FAM167A: variants seen among roughly 807,000 people sequenced by gnomAD.
FAM167A encodes the protein family with sequence similarity 167 member A.
Under a neutral mutation model 14.9 loss-of-function variants are expected in FAM167A, and 23 were observed. The observed-to-expected ratio is 1.55, with a 90% confidence interval of 1.11 to 2.19. FAM167A has a LOEUF of 2.19. Ranked by LOEUF, FAM167A falls within the 30% of genes most tolerant of loss-of-function variation. The probability of loss-of-function intolerance (pLI) is 0.00; values close to 1 mark genes in which losing one functional copy is unlikely to be tolerated. For synonymous variants in FAM167A, 174 were observed against 117.7 expected (o/e 1.48, Z -3.10); for missense variants, 401 against 281.5 (o/e 1.42, Z -3.04).
chr8:11,438,364 G>A, intron 2 of FAM167A: 1 of 446,648 alleles, frequency 2.2e-6, no homozygotes, highest in Middle Eastern at 3.5e-4. Context: ...AAACAGGAAT[G>A]TTGGGAGATT....
chr8:11,466,248 G>A (rs756539603), intron 1 of FAM167A, among the ~76,000 whole-genome samples: 12 of 152,260 alleles, frequency 7.9e-5, no homozygotes, highest in Non-Finnish European at 1.6e-4. Context: ...ACAGGAGCCA[G>A]GCTGGGCTTG....
chr8:11,472,497 T>C (rs1403603107), upstream of FAM167A, among the ~76,000 whole-genome samples: 1 of 144,608 alleles, frequency 6.9e-6, no homozygotes, highest in African/African-American at 2.6e-5. Flanking sequence ...TGGAGTGCAG[T>C]GGCGTGATCT....
intron 2 of FAM167A, chr8:11,434,965 C>T (rs1805902595): frequency 2.2e-6 from 1 of 450,836 alleles, no homozygotes; most frequent in Admixed American, 2.4e-5. Flanking sequence ...CACTGGCACC[C>T]ACCCCTGCAT....
chr8:11,450,062 C>T (rs906990043), intron 1 of FAM167A, among the ~76,000 whole-genome samples: 2 of 152,206 alleles, frequency 1.3e-5, no homozygotes, highest in Non-Finnish European at 2.9e-5. Context: ...GTTTCTTCTC[C>T]ATAAGACACA....
chr8:11,432,593 T>G (rs1204840403), intron 2 of FAM167A, among the ~76,000 whole-genome samples: 2 of 152,162 alleles, frequency 1.3e-5, no homozygotes, highest in African/African-American at 4.8e-5. Context: ...TGTGCAGAAA[T>G]AGGAATGCTT....
At chr8:11,456,306 G>C (rs1218983667) in intron 1 of FAM167A, among the ~76,000 whole-genome samples, 1 of 152,094 alleles carries the variant, frequency 6.6e-6, no homozygotes, top group Non-Finnish European at 1.5e-5. Flanking sequence ...GTGTGAGGTG[G>C]TTGCCCTGCT....
chr8:11,461,291 A>G (rs1243309248), intron 1 of FAM167A, among the ~76,000 whole-genome samples: 1 of 152,170 alleles, frequency 6.6e-6, no homozygotes, highest in Non-Finnish European at 1.5e-5. Flanking sequence ...GGAGATGGGG[A>G]GGGGGAAAGT....
chr8:11,422,916 GGGTGGGGGCTGA>G lies in FAM167A; in HGVS notation c.*1445_*1456del, dbSNP rs1563351268. On this transcript the variant is annotated 3_prime_UTR_variant, in exon 3 of 3. Transcript: ENST00000284486. ...TGAATTGCAATACTCTGGGAGATGT[GGGTGGGGGCTGA>G]GGTGGAGAGTAGAGGGGTTGGCAGT... is the stretch of plus-strand genomic sequence containing the variant. 6.5e-6 allele frequency: 1 copy of G among 152,676 alleles called. No individual in the cohort carries two copies. Among genetic ancestry groups the G allele is most frequent in the African/African-American group, 2.4e-5 (1 of 41,458 alleles). The allele number at this position is 152,676 out of a possible 1,614,324, so 9.5% of individuals were successfully genotyped here. A position where few individuals can be genotyped will look rare whatever the true frequency, so the allele number is the denominator to read the frequency against.
chr8:11,455,973 G>C (rs1260674352), intron 1 of FAM167A, among the ~76,000 whole-genome samples: 6 of 147,248 alleles, frequency 4.1e-5, no homozygotes, highest in Non-Finnish European at 7.5e-5. Flanking sequence ...GTGAGTGAGT[G>C]TGGGGGGTGG....
chr8:11,437,229 G>C lies in FAM167A; in HGVS notation c.381+6802C>G, dbSNP rs145874591. 2.0e-3 allele frequency among the ~76,000 whole-genome samples: 305 copies of C among 152,252 alleles called. 2 individuals carry two copies. Among genetic ancestry groups the C allele is most frequent in the African/African-American group, 7.2e-3 (299 of 41,548 alleles). ...AATTCCTGCTCTGCTGATTGATCTTGGGCAAGTTTTTTAACCTCAGTTTTC... is the reference window on the plus strand; with the variant it reads ...AATTCCTGCTCTGCTGATTGATCTTCGGCAAGTTTTTTAACCTCAGTTTTC... On this transcript the variant is annotated intron_variant, in intron 2 of 2. Transcript: ENST00000284486.
chr8:11,446,037 A>C (rs910161435), intron 1 of FAM167A, among the ~76,000 whole-genome samples: 5 of 146,778 alleles, frequency 3.4e-5, no homozygotes, highest in Middle Eastern at 3.2e-3. Flanking sequence ...AAAAAAAAAA[A>C]GGAAGGGAAT....
At chr8:11,464,102 T>C (rs1585282995) in intron 1 of FAM167A, among the ~76,000 whole-genome samples, 1 of 152,144 alleles carries the variant, frequency 6.6e-6, no homozygotes, top group Non-Finnish European at 1.5e-5. Context: ...GATTTGATGC[T>C]GCCTGGCAGA....
At chr8:11,460,596 C>T (rs995731223) in intron 1 of FAM167A, among the ~76,000 whole-genome samples, 5 of 152,268 alleles carry the variant, frequency 3.3e-5, no homozygotes, top group Non-Finnish European at 5.9e-5. Context: ...CTTCCGTTTC[C>T]ACACCTGGTG....
chr8:11,443,986 G>T, intron 2 of FAM167A, 45 bp downstream of exon 2: 1 of 1,570,074 alleles, frequency 6.4e-7, no homozygotes, highest in South Asian at 1.2e-5. Flanking sequence ...CAGAGAGACG[G>T]TGGCATCTCC....
In FAM167A at chr8:11,427,912, G is replaced by A. The variant is rs1163977831; in HGVS notation, c.382-3276C>T. Among the ~76,000 whole-genome samples the A allele has an allele frequency of 6.6e-5, 10 of 152,268 alleles. No homozygotes were observed. In the East Asian group the frequency reaches 1.9e-3, roughly 29 times the overall value. The stretch of plus-strand genomic sequence containing the variant: ...CCAAATTAATGATGATAGGGTGGCT[G>A]GTCATTTGTTTTGTAATGGTGTCCC... On this transcript the variant is annotated intron_variant, in intron 2 of 2. Transcript: ENST00000284486.
At chr8:11,446,463 G>C (rs970542246) in intron 1 of FAM167A, 1 of 151,840 alleles carries the variant, frequency 6.6e-6, no homozygotes, top group African/African-American at 2.4e-5. Flanking sequence ...GATTCAATTG[G>C]TCGAGAGATG....
At chr8:11,471,061 G>A (rs1459882346), upstream of FAM167A, among the ~76,000 whole-genome samples, 2 of 152,190 alleles carry the variant, frequency 1.3e-5, no homozygotes, top group Admixed American at 6.5e-5. Context: ...CTTTTTGGTA[G>A]GAAGATAATT....
intron 1 of FAM167A, among the ~76,000 whole-genome samples, chr8:11,473,685 T>C (rs1268056399): frequency 4.6e-5 from 7 of 152,136 alleles, no homozygotes; most frequent in Non-Finnish European, 8.8e-5. Flanking sequence ...TCAGGCTGCT[T>C]TGGGCAAATC....
chr8:11,433,758 G>A (rs922118893), intron 2 of FAM167A, among the ~76,000 whole-genome samples: 1 of 152,202 alleles, frequency 6.6e-6, no homozygotes, highest in African/African-American at 2.4e-5. Flanking sequence ...GATGCATGCT[G>A]AAAAGAGGGT....
Sources: gnomAD v4.1 joint callset for allele counts (sites outside exome capture counted in the v4.1 genomes callset) on GRCh38, gnomAD v4.1.1 for gene constraint, MANE v1.5 for transcripts, NCBI Gene and HGNC (gene_info 2026-07-23, HGNC 2026-07-21) for gene names.